The following VWA5B1 variants were observed in gnomAD, a reference collection of about 807,000 sequenced individuals.
The protein encoded by VWA5B1 is von Willebrand factor A domain containing 5B1.
VWA5B1 carries 115 observed loss-of-function variants against 118.2 expected under a neutral mutation model. The ratio of observed to expected loss-of-function variants is 0.97; its 90% CI spans 0.84 to 1.14. The LOEUF is 1.14. Ranked by LOEUF, VWA5B1 falls within the 50% of genes most tolerant of loss-of-function variation. VWA5B1 has a pLI of 0.00. For synonymous variants in VWA5B1, 682 were observed against 658.4 expected (o/e 1.04, Z -0.55); for missense variants, 1,596 against 1,603.8 (o/e 1.00, Z 0.08).
intron 3 of VWA5B1, among the ~76,000 whole-genome samples, chr1:20,313,761 G>T (rs570299092): frequency 6.6e-6 from 1 of 152,348 alleles, no homozygotes; most frequent in Non-Finnish European, 1.5e-5. Flanking sequence ...GAGTTGTTAT[G>T]ATTTATCACA....
rs2090233919 is a variant in VWA5B1 at position 20,356,585 on chromosome 1, G to A, written c.*2322G>A. ...TGCCAGCATAGAACTAGTGCTACAAGATGCCTAGCAGGAGCAACCAAGAAA... is the reference window on the plus strand; with the variant it reads ...TGCCAGCATAGAACTAGTGCTACAAAATGCCTAGCAGGAGCAACCAAGAAA... On this transcript the variant is annotated 3_prime_UTR_variant, in exon 22 of 22. Coordinates refer to ENST00000289815, the MANE Select transcript of VWA5B1 (RefSeq NM_001039500.3). Among the ~76,000 whole-genome samples, 1 of 152,180 alleles carries A rather than the reference G, an allele frequency of 6.6e-6. No homozygotes were observed. Among genetic ancestry groups the A allele is most frequent in the Admixed American group, 6.5e-5 (1 of 15,284 alleles).
In VWA5B1 at chr1:20,352,192, G is replaced by A. The variant is rs749426711; in HGVS notation, c.3141+20G>A. 2.7e-5 allele frequency: 42 copies of A among 1,537,446 alleles called. No homozygotes were observed. The highest frequency in any genetic ancestry group is 5.9e-5 in the Admixed American group (3 of 50,618). The stretch of plus-strand genomic sequence containing the variant: ...CCTCTGGTGAGTGCCCTGACCCCAG[G>A]TGTCAGTCTCCCTCCGCTCCACTCA... On this transcript the variant is annotated intron_variant, in intron 21 of 21. Transcript: ENST00000289815.
Position 20,354,148 on chromosome 1 carries a change from A to T in VWA5B1, c.3533A>T (p.Glu1178Val), listed in dbSNP as rs981457783. ...NSWLEQQEVP[E>V]GRTQGTLKAA... ...TGGCTGGAGCAGCAGGAAGTACCCGAGGGCCGCACGCAGGGCACACTCAAG... is the reference window on the plus strand; with the variant it reads ...TGGCTGGAGCAGCAGGAAGTACCCGTGGGCCGCACGCAGGGCACACTCAAG... The change falls in exon 22 of 22, where the codon GAG becomes GTG. Residue 1178 changes from glutamate to valine, a missense_variant. Coordinates refer to ENST00000289815, the MANE Select transcript of VWA5B1 (RefSeq NM_001039500.3). 10 of 1,551,238 alleles carry T rather than the reference A, an allele frequency of 6.4e-6. No individual in the cohort carries two copies. Among genetic ancestry groups the T allele is most frequent in the East Asian group, 2.4e-5 (1 of 40,924 alleles).
intron 1 of VWA5B1, among the ~76,000 whole-genome samples, chr1:20,307,412 G>A (rs1231520019): frequency 5.3e-5 from 8 of 152,160 alleles, no homozygotes; most frequent in Non-Finnish European, 1.0e-4. Context: ...AGTCCTACAC[G>A]CACACCCATT....
At position 20,314,378 on chromosome 1, in the gene VWA5B1, G is replaced by A; in HGVS notation, c.349G>A (p.Val117Met). The change falls in exon 4 of 22, where the codon GTG becomes ATG. Residue 117 changes from valine (V) to methionine (M), a missense_variant. Val to Met is a conservative substitution (Grantham distance 21). Transcript: ENST00000289815. ...IAPHSCTPGK[V>M]TLDEDLERIL... ...CCCTCATTCCTGCACACCGGGAAAG[G>A]TGACCTTGGACGAGGATTTGGAGCG... The A allele has an allele frequency of 6.4e-7, 1 of 1,552,012 alleles. No homozygotes were observed. The highest frequency in any genetic ancestry group is 8.7e-7 in the Non-Finnish European group (1 of 1,147,052).
rs74056528 is a variant in VWA5B1 at position 20,358,641 on chromosome 1, C to T, written c.*4378C>T. Among the ~76,000 whole-genome samples the T allele has an allele frequency of 4.3e-3, 654 of 152,324 alleles. 7 individuals are homozygous for T. Among genetic ancestry groups the T allele is most frequent in the African/African-American group, 0.015 (613 of 41,558 alleles). Reference sequence around the variant, plus strand: ...TAAGTGGTCTCTAGAATCAAATGCACTCCATACTTTTAGTGCCCTGGGAAA... The same window carrying T: ...TAAGTGGTCTCTAGAATCAAATGCATTCCATACTTTTAGTGCCCTGGGAAA... On this transcript the variant is annotated 3_prime_UTR_variant, in exon 22 of 22. Transcript: ENST00000289815.
chr1:20,326,741 G>T (rs938191262), intron 8 of VWA5B1, among the ~76,000 whole-genome samples: 1 of 152,040 alleles, frequency 6.6e-6, no homozygotes, highest in African/African-American at 2.4e-5. Context: ...GAGTTACCGT[G>T]CCCAGCCAAA....
At chr1:20,349,816 G>A (rs531771792) in intron 18 of VWA5B1, among the ~76,000 whole-genome samples, 7 of 149,050 alleles carry the variant, frequency 4.7e-5, no homozygotes, top group Non-Finnish European at 7.4e-5. Flanking sequence ...CACTATCTGC[G>A]TATTATCTCA....
chr1:20,345,353 G>C (rs2089984058), intron 16 of VWA5B1, 103 bp from the exon 17 acceptor site: 2 of 1,470,810 alleles, frequency 1.4e-6, no homozygotes, highest in East Asian at 5.0e-5. Context: ...TAATCCCAAA[G>C]ATGGGGACCA....
chr1:20,291,343 T>C (rs56232630), intron 1 of VWA5B1, among the ~76,000 whole-genome samples: 55 of 115,264 alleles, frequency 4.8e-4, no homozygotes, highest in African/African-American at 1.6e-3. Context: ...CTCTCTCTCT[T>C]TCTTTCTTTC....
At chr1:20,342,332 G>A in intron 14 of VWA5B1, 100 bp from the exon 15 acceptor site, 5 of 1,307,032 alleles carry the variant, frequency 3.8e-6, no homozygotes, top group Non-Finnish European at 5.3e-6. Context: ...GGGAGCAGAA[G>A]GAAGGAGGGT....
intron 13 of VWA5B1, 49 bp downstream of exon 13, chr1:20,336,535 T>A: frequency 7.7e-7 from 1 of 1,301,554 alleles, no homozygotes; most frequent in East Asian, 3.0e-5. Context: ...GCACTTACTA[T>A]GTGCTAAGCA....
chr1:20,304,325 A>G (rs1423667928), intron 1 of VWA5B1, among the ~76,000 whole-genome samples: 1 of 152,164 alleles, frequency 6.6e-6, no homozygotes, highest in Non-Finnish European at 1.5e-5. Flanking sequence ...AAGAGGAACA[A>G]GACTTTGAAG....
intron 14 of VWA5B1, chr1:20,338,177 C>A (rs891737907): frequency 1.1e-5 from 5 of 455,586 alleles, no homozygotes; most frequent in Admixed American, 7.3e-5. Context: ...AATTGAGAGC[C>A]AGAGAGGTAG....
chr1:20,312,836 G>T lies in VWA5B1; in HGVS notation c.140G>T (p.Gly47Val), dbSNP rs376429022. The T allele has an allele frequency of 2.6e-6, 4 of 1,548,564 alleles. No homozygotes were observed. Among genetic ancestry groups the T allele is most frequent in the Non-Finnish European group, 3.5e-6 (4 of 1,144,960 alleles). Residue 47 changes from glycine (G) to valine (V), a missense_variant and splice_region_variant, in exon 3 of 22, where the codon GGC (glycine) becomes GTC (valine). By Grantham distance (109) the Gly-to-Val change is moderately radical. Coordinates refer to ENST00000289815, the MANE Select transcript of VWA5B1 (RefSeq NM_001039500.3). ...YGNLEAQPFQ[G>V]LFVYPLDECT... ...GTGATGCTGGGCCCTGCTCCGACAG[G>T]CCTCTTCGTGTACCCCCTGGATGAG...
In VWA5B1 at chr1:20,350,785, C is replaced by T; in HGVS notation, c.2954-72C>T. Reference sequence around the variant, plus strand: ...CCTGCCCCTCTCTAGGCCTCTGTTCCCCCAGTTGGTCAGTGAGCAGTTGGA... The same window carrying T: ...CCTGCCCCTCTCTAGGCCTCTGTTCTCCCAGTTGGTCAGTGAGCAGTTGGA... On this transcript the variant is annotated intron_variant, in intron 19 of 21. Transcript: ENST00000289815. The T allele has an allele frequency of 2.8e-6, 4 of 1,433,484 alleles. No homozygotes were observed. The Middle Eastern group carries it at 5.6e-4, about 201-fold the overall frequency. 88.8% of individuals were successfully genotyped at this position (1,433,484 alleles called of 1,614,324 possible).
rs4062863 is a variant in VWA5B1 at position 20,321,113 on chromosome 1, C to CAAAAAAAAA, written c.966+1615_966+1623dup. On this transcript the variant is annotated intron_variant, in intron 7 of 21. Transcript: ENST00000289815. The stretch of plus-strand genomic sequence containing the variant: ...ACAGAGATGCCAAGAGTAACAGAGG[C>CAAAAAAAAA]AAAAAAAAAAAAAAAACACGAAAAG... 3.6e-4 allele frequency among the ~76,000 whole-genome samples: 34 copies of CAAAAAAAAA among 94,150 alleles called. 1 individual carries two copies. Among genetic ancestry groups the CAAAAAAAAA allele is most frequent in the African/African-American group, 1.4e-3 (32 of 23,202 alleles). The allele number at this position is 94,150 out of a possible 152,430, so 61.8% of individuals were successfully genotyped here. A position where few individuals can be genotyped will look rare whatever the true frequency, so the allele number is the denominator to read the frequency against.
intron 4 of VWA5B1, among the ~76,000 whole-genome samples, chr1:20,315,041 ATTGACTG>A (rs1241717204): frequency 5.9e-5 from 9 of 152,236 alleles, no homozygotes; most frequent in Non-Finnish European, 7.3e-5. Flanking sequence ...GGAATGCGTT[ATTGACTG>A]AAAAGTACAA....
rs1217456280 is a variant in VWA5B1 at position 20,358,804 on chromosome 1, CAT to C, written c.*4543_*4544del. ...AGATGGACACATTCTTCAGCTGTAA[CAT>C]AGCATGCTCTGCAAAGCCAGTGTAA... On this transcript the variant is annotated 3_prime_UTR_variant, in exon 22 of 22. Transcript: ENST00000289815. Among the ~76,000 whole-genome samples, 1 of 152,226 alleles carries C rather than the reference CAT, an allele frequency of 6.6e-6. No individual in the cohort carries two copies. The highest frequency in any genetic ancestry group is 1.5e-5 in the Non-Finnish European group (1 of 68,032).
Sources: gnomAD v4.1 joint callset for allele counts (sites outside exome capture counted in the v4.1 genomes callset) on GRCh38, gnomAD v4.1.1 for gene constraint, MANE v1.5 for transcripts, NCBI Gene and HGNC (gene_info 2026-07-23, HGNC 2026-07-21) for gene names.